FAM167A: variants seen among roughly 807,000 people sequenced by gnomAD.
FAM167A encodes the protein family with sequence similarity 167 member A.
Under a neutral mutation model 14.9 loss-of-function variants are expected in FAM167A, and 23 were observed. That is an observed-to-expected ratio of 1.55 (90% CI 1.11 to 2.19). The LOEUF is 2.19. Ranked by LOEUF, FAM167A falls within the 30% of genes most tolerant of loss-of-function variation. The pLI is 0.00. For missense variants in FAM167A, 401 were observed against 281.5 expected, an observed-to-expected ratio of 1.42 and a Z score of -3.04; for synonymous variants, 174 against 117.7, an observed-to-expected ratio of 1.48 and a Z score of -3.10.
chr8:11,442,005 C>T (rs939390239), intron 2 of FAM167A, among the ~76,000 whole-genome samples: 1 of 152,220 alleles, frequency 6.6e-6, no homozygotes, highest in African/African-American at 2.4e-5. Flanking sequence ...GCTAGAGGAG[C>T]GGAAACAGTG....
intron 2 of FAM167A, among the ~76,000 whole-genome samples, chr8:11,430,438 G>C (rs1805502207): frequency 6.6e-6 from 1 of 152,202 alleles, no homozygotes; most frequent in African/African-American, 2.4e-5. Flanking sequence ...GTGAGCCACT[G>C]CACCTGGGTG....
rs374097546 is a variant in FAM167A, at chr8:11,444,329, C to T, written c.83G>A (p.Arg28Gln). Residue 28 changes from arginine (R) to glutamine (Q), a missense_variant, in exon 2 of 3, where the codon CGG becomes CAG. By Grantham distance (43) the Arg-to-Gln change is conservative. Coordinates refer to ENST00000284486, the MANE Select transcript of FAM167A (RefSeq NM_053279.3). The part of the protein sequence containing the change: ...GAAAPPDDHL[R>Q]SLKALTEKLR... ...TTTCTCGGTGAGGGCCTTCAGGCTC[C>T]GGAGGTGGTCATCGGGTGGTGCGGC... 6.8e-5 allele frequency: 110 copies of T among 1,610,536 alleles called. No individual in the cohort carries two copies. The highest frequency in any genetic ancestry group is 1.8e-4 in the East Asian group (8 of 44,858).
At chr8:11,453,802 T>G (rs1438354952) in intron 1 of FAM167A, among the ~76,000 whole-genome samples, 2 of 151,876 alleles carry the variant, frequency 1.3e-5, no homozygotes, top group African/African-American at 4.8e-5. Context: ...TCACTGAGTT[T>G]ATGGAGCACG....
At position 11,431,922 on chromosome 8, in the gene FAM167A, A is replaced by G. The variant is rs965013455; in HGVS notation, c.382-7286T>C. Among the ~76,000 whole-genome samples, 87 of 129,966 alleles carry G rather than the reference A, an allele frequency of 6.7e-4. 3 individuals carry two copies. The highest frequency in any genetic ancestry group is 1.0e-3 in the South Asian group (4 of 3,912). 85.3% of individuals were successfully genotyped at this position (129,966 alleles called of 152,430 possible). A position where few individuals can be genotyped will look rare whatever the true frequency, so the allele number is the denominator to read the frequency against. ...AAAAAAAAAAAAAAAAAAAAAAAGG[A>G]TTTTGTTCTTTGCCAAAGGCCCGAG... On this transcript the variant is annotated intron_variant, in intron 2 of 2. Transcript: ENST00000284486.
chr8:11,470,377 A>G (rs1252478895), upstream of FAM167A, among the ~76,000 whole-genome samples: 2 of 152,180 alleles, frequency 1.3e-5, no homozygotes, highest in African/African-American at 4.8e-5. Flanking sequence ...TGCCTGCCAC[A>G]ATCAGGGGCC....
At chr8:11,454,750 C>A (rs963204504) in intron 1 of FAM167A, among the ~76,000 whole-genome samples, 3 of 151,926 alleles carry the variant, frequency 2.0e-5, no homozygotes, top group Non-Finnish European at 2.9e-5. Flanking sequence ...GGTGTGCAGG[C>A]TTTTCTGCCC....
intron 2 of FAM167A, among the ~76,000 whole-genome samples, chr8:11,431,224 A>C (rs962899759): frequency 3.9e-5 from 6 of 152,256 alleles, no homozygotes; most frequent in African/African-American, 1.2e-4. Context: ...AAAGGAAGAC[A>C]ATCCTGGCAC....
rs768024874 is a variant in FAM167A, at chr8:11,444,203, C to T, written c.209G>A (p.Ser70Asn). Reference sequence around the variant, plus strand: ...CCCCCCACGCTCCCCCTCCTCCAAGCTCGCCTGTGGCTCCGCAGCCGGCCT... The same window carrying T: ...CCCCCCACGCTCCCCCTCCTCCAAGTTCGCCTGTGGCTCCGCAGCCGGCCT... ...FPRPAAEPQASLEEGERGGQE... is the reference protein window; with the variant it reads ...FPRPAAEPQANLEEGERGGQE... Residue 70 changes from serine to asparagine, a missense_variant, in exon 2 of 3, where the codon AGC (serine) becomes AAC (asparagine). Ser to Asn is a conservative substitution (Grantham distance 46). Transcript: ENST00000284486. The T allele has an allele frequency of 6.2e-7, 1 of 1,613,018 alleles. No individual in the cohort carries two copies. Among genetic ancestry groups the T allele is most frequent in the African/African-American group, 1.3e-5 (1 of 75,070 alleles).
At chr8:11,430,957 G>C (rs941627214) in intron 2 of FAM167A, among the ~76,000 whole-genome samples, 2 of 152,226 alleles carry the variant, frequency 1.3e-5, no homozygotes, top group African/African-American at 2.4e-5. Flanking sequence ...TCGGAGCTGG[G>C]TGGAATAAAA....
upstream of FAM167A, among the ~76,000 whole-genome samples, chr8:11,471,810 C>T (rs1367232472): frequency 1.3e-5 from 2 of 152,112 alleles, no homozygotes; most frequent in African/African-American, 2.4e-5. Context: ...AGATGGGCCA[C>T]GTTCAGGCCT....
intron 2 of FAM167A, among the ~76,000 whole-genome samples, chr8:11,439,036 C>T (rs949996575): frequency 3.3e-5 from 5 of 152,240 alleles, no homozygotes; most frequent in Non-Finnish European, 5.9e-5. Flanking sequence ...CTCAGGGCCC[C>T]TTGACTTGGA....
chr8:11,444,912 G>A, intron 1 of FAM167A, 104 bp from the exon 2 acceptor site: 2 of 902,724 alleles, frequency 2.2e-6, no homozygotes, highest in Non-Finnish European at 2.7e-6. Context: ...AGAGTGGACT[G>A]GTGGCTGCGC....
chr8:11,446,016 CAA>C (rs36111790), intron 1 of FAM167A, among the ~76,000 whole-genome samples: 4 of 84,262 alleles, frequency 4.7e-5, no homozygotes, highest in African/African-American at 4.9e-5. Flanking sequence ...ACATCCCGGC[CAA>C]AAAAAAAAAA....
At chr8:11,436,141 G>A (rs77878047) in intron 2 of FAM167A, among the ~76,000 whole-genome samples, 4 of 152,216 alleles carry the variant, frequency 2.6e-5, no homozygotes, top group African/African-American at 9.6e-5. Context: ...GTCCGGGGTT[G>A]GGTAGGGCTG....
At chr8:11,427,329 T>C (rs766754216) in intron 2 of FAM167A, among the ~76,000 whole-genome samples, 2 of 152,210 alleles carry the variant, frequency 1.3e-5, no homozygotes, top group African/African-American at 2.4e-5. Context: ...ACATAGGGAC[T>C]GGCTTAGTGC....
chr8:11,440,999 A>G (rs906950487), intron 2 of FAM167A, among the ~76,000 whole-genome samples: 1 of 151,598 alleles, frequency 6.6e-6, no homozygotes, highest in South Asian at 2.1e-4. Flanking sequence ...TTTCAATCCA[A>G]TCAAAGGGTT....
chr8:11,444,949 T>A, intron 1 of FAM167A, 141 bp from the exon 2 acceptor site: 1 of 744,530 alleles, frequency 1.3e-6, no homozygotes, highest in Non-Finnish European at 1.6e-6. Context: ...GGGACGGAAG[T>A]GAGATCATTT....
At chr8:11,425,496 T>C (rs963064748) in intron 2 of FAM167A, among the ~76,000 whole-genome samples, 4 of 152,060 alleles carry the variant, frequency 2.6e-5, no homozygotes, top group African/African-American at 9.7e-5. Flanking sequence ...TTGTAGAAGG[T>C]TCCTAATATT....
intron 2 of FAM167A, among the ~76,000 whole-genome samples, chr8:11,429,585 G>T (rs1805431444): frequency 6.6e-6 from 1 of 152,196 alleles, no homozygotes; most frequent in Non-Finnish European, 1.5e-5. Flanking sequence ...TGTCTTACAA[G>T]GAAACTGTCT....
Sources: gnomAD v4.1 joint callset for allele counts (sites outside exome capture counted in the v4.1 genomes callset) on GRCh38, gnomAD v4.1.1 for gene constraint, MANE v1.5 for transcripts, NCBI Gene and HGNC (gene_info 2026-07-23, HGNC 2026-07-21) for gene names.